Variants in ADGRF1 observed in about 807,000 individuals in gnomAD.
The protein encoded by ADGRF1 is G protein-coupled receptor 110.
Under a neutral mutation model 87.2 loss-of-function variants are expected in ADGRF1, and 85 were observed. The observed-to-expected ratio is 0.97, with a 90% CI of 0.82 to 1.17. ADGRF1 has a LOEUF of 1.17. Ranked by LOEUF, ADGRF1 falls within the 50% of genes most tolerant of loss-of-function variation. The probability of loss-of-function intolerance (pLI) is 0.00; values close to 1 mark genes in which losing one functional copy is unlikely to be tolerated. For synonymous variants in ADGRF1, 430 were observed against 408.8 expected (o/e 1.05, Z -0.63); for missense variants, 1,169 against 1,077.2 (o/e 1.09, Z -1.19).
chr6:47,042,042 C>A (rs574244098), intron 1 of ADGRF1, 149 bp downstream of exon 1: 1 of 152,240 alleles, frequency 6.6e-6, no homozygotes, highest in South Asian at 2.1e-4. Context: ...TTTTTCAACT[C>A]TGTTCCCTTA....
rs112848767 is a variant in ADGRF1, at chr6:47,032,793, G to C, written c.-43-3689C>G. Among the ~76,000 whole-genome samples the C allele has an allele frequency of 6.3e-3, 957 of 152,304 alleles. 13 individuals carry two copies. Among genetic ancestry groups the C allele is most frequent in the African/African-American group, 0.021 (892 of 41,558 alleles). On this transcript the variant is annotated intron_variant, in intron 1 of 14. Transcript: ENST00000371253. ...TATAGTTACTTGCTGGATTGTGTCA[G>C]AATTTGACTTCTCTGAGTGCACTTG... is the stretch of plus-strand genomic sequence containing the variant.
intron 6 of ADGRF1, 149 bp from the exon 7 acceptor site, chr6:47,020,938 A>T: frequency 1.5e-6 from 1 of 657,002 alleles, no homozygotes; most frequent in East Asian, 2.7e-5. Flanking sequence ...TGCATGTCAT[A>T]CAAATACAGT....
At chr6:47,033,940 C>A (rs750566334) in intron 1 of ADGRF1, among the ~76,000 whole-genome samples, 3 of 152,160 alleles carry the variant, frequency 2.0e-5, no homozygotes, top group Non-Finnish European at 4.4e-5. Context: ...AGACAAACTT[C>A]CTCTGGAAGG....
intron 13 of ADGRF1, among the ~76,000 whole-genome samples, chr6:47,004,964 C>T (rs1226473): frequency 0.41 from 61,875 of 151,932 alleles, 14,308 homozygotes; most frequent in African/African-American, 0.65. Flanking sequence ...CCAAGGAAGA[C>T]TTTTTAATGC....
At chr6:47,014,580 T>C (rs1283407312) in intron 9 of ADGRF1, 101 bp downstream of exon 9, 2 of 1,521,460 alleles carry the variant, frequency 1.3e-6, no homozygotes, top group Middle Eastern at 1.8e-4. Context: ...TGGCCAATGA[T>C]GCACGTAGGT....
rs1017519192 is a variant in ADGRF1, at chr6:47,017,991, G to C, written c.612-1223C>G. 2.4e-5 allele frequency: 4 copies of C among 168,874 alleles called. No individual in the cohort carries two copies. In the South Asian group the frequency reaches 6.1e-4, roughly 26 times the overall value. 10.5% of individuals were successfully genotyped at this position (168,874 alleles called of 1,614,324 possible). On this transcript the variant is annotated intron_variant, in intron 7 of 14. Coordinates refer to ENST00000371253, the MANE Select transcript of ADGRF1 (RefSeq NM_153840.4). The stretch of plus-strand genomic sequence containing the variant: ...TATAGCACAGGATGGCTCCAGGATT[G>C]GGTCTCTGCAAGTGGAAGGACAGCA...
intron 6 of ADGRF1, among the ~76,000 whole-genome samples, chr6:47,021,442 A>G (rs1449914176): frequency 6.6e-6 from 1 of 150,868 alleles, no homozygotes; most frequent in East Asian, 1.9e-4. Flanking sequence ...CTAACTACAA[A>G]CTCCACCTCC....
chr6:47,008,978 C>T lies in ADGRF1; in HGVS notation c.2457G>A (p.Trp819Ter). ...CATTGAGTAAAGCAAAAATAACATG[C>T]CAAGCCAGATTCTGGCTGTCCACTA... ...GTIVDSQNLAWHVIFALLNAF... is the reference protein window; with the variant it reads ...GTIVDSQNLA Residue 819 changes from tryptophan to a stop codon, truncating the protein, a stop_gained, in exon 11 of 15, where the codon TGG becomes TGA. Coordinates refer to ENST00000371253, the MANE Select transcript of ADGRF1 (RefSeq NM_153840.4). LOFTEE classifies it high-confidence loss of function. 1 of 1,607,442 alleles carries T rather than the reference C, an allele frequency of 6.2e-7. No individual in the cohort carries two copies. Among genetic ancestry groups the T allele is most frequent in the South Asian group, 1.1e-5 (1 of 90,600 alleles).
At chr6:47,037,805 A>T (rs1780632770) in intron 1 of ADGRF1, among the ~76,000 whole-genome samples, 1 of 152,230 alleles carries the variant, frequency 6.6e-6, no homozygotes, top group East Asian at 1.9e-4. Flanking sequence ...GAGCCACGAC[A>T]CTCAGCCCCA....
intron 1 of ADGRF1, among the ~76,000 whole-genome samples, chr6:47,038,763 C>T (rs982369890): frequency 2.0e-5 from 3 of 152,212 alleles, no homozygotes; most frequent in African/African-American, 7.2e-5. Context: ...TAAAATTCTA[C>T]TGCTATCTAC....
At chr6:47,004,349 C>T (rs1779453432) in intron 13 of ADGRF1, among the ~76,000 whole-genome samples, 1 of 152,128 alleles carries the variant, frequency 6.6e-6, no homozygotes, top group South Asian at 2.1e-4. Flanking sequence ...TATTTTAAAA[C>T]AAATGAGCCA....
In ADGRF1 at chr6:47,000,139, C is replaced by T. The variant is rs9381498; in HGVS notation, c.*83G>A. The T allele has an allele frequency of 9.6e-7, 1 of 1,044,128 alleles. No individual in the cohort carries two copies. Among genetic ancestry groups the T allele is most frequent in the Non-Finnish European group, 1.5e-6 (1 of 677,224 alleles). 64.7% of individuals were successfully genotyped at this position (1,044,128 alleles called of 1,614,324 possible). A position where few individuals can be genotyped will look rare whatever the true frequency, so the allele number is the denominator to read the frequency against. On this transcript the variant is annotated 3_prime_UTR_variant, in exon 15 of 15. Transcript: ENST00000371253. ...CTAAATCAGAAAACCCGATCGAATA[C>T]TGAGCATAATTTCTTCATTGACATT...
At chr6:47,012,483 A>C (rs529020318) in intron 9 of ADGRF1, 1 of 502,290 alleles carries the variant, frequency 2.0e-6, no homozygotes, top group Non-Finnish European at 2.7e-6. Context: ...GGGAGGTGCC[A>C]TTATTATTTT....
intron 1 of ADGRF1, among the ~76,000 whole-genome samples, chr6:47,039,333 A>T (rs1780672686): frequency 6.6e-6 from 1 of 152,218 alleles, no homozygotes; most frequent in African/African-American, 2.4e-5. Context: ...CATTTTCTTT[A>T]TTCAACTGAC....
At position 47,000,269 on chromosome 6, in the gene ADGRF1, C is replaced by T. The variant is rs1436568686; in HGVS notation, c.2686G>A (p.Asp896Asn). The part of the protein sequence containing the change: ...KGHYAFSHTG[D>N]SSDNIMLTQF... ...GTTAGCATGATGTTGTCGGAGGAAT[C>T]TCCAGTATGAGAAAATGCATAATGG... The change falls in exon 15 of 15, where the codon GAT becomes AAT. Residue 896 changes from aspartate (D) to asparagine (N), a missense_variant. Physicochemically the swap from Asp to Asn is conservative, Grantham distance 23. Transcript: ENST00000371253. 6.2e-7 allele frequency: 1 copy of T among 1,604,096 alleles called. No individual in the cohort carries two copies. Among genetic ancestry groups the T allele is most frequent in the South Asian group, 1.1e-5 (1 of 90,114 alleles).
chr6:47,023,012 A>G (rs1004668354), intron 5 of ADGRF1, among the ~76,000 whole-genome samples: 4 of 151,816 alleles, frequency 2.6e-5, no homozygotes, highest in Non-Finnish European at 5.9e-5. Flanking sequence ...CATTTTTGCC[A>G]TGTTGCCCAA....
At chr6:47,032,828 A>G (rs534269094) in intron 1 of ADGRF1, among the ~76,000 whole-genome samples, 128 of 152,244 alleles carry the variant, frequency 8.4e-4, no homozygotes, top group Non-Finnish European at 1.4e-3. Flanking sequence ...GGGTTAACTG[A>G]TGGCCATCAC....
chr6:47,014,751 T>G lies in ADGRF1; in HGVS notation c.857A>C (p.Lys286Thr). 6.2e-7 allele frequency: 1 copy of G among 1,613,948 alleles called. No individual in the cohort carries two copies. The highest frequency in any genetic ancestry group is 1.1e-5 in the South Asian group (1 of 91,062). Reference protein sequence around the residue: ...SSGYRGNITAKCESSGWQVIR... With the variant: ...SSGYRGNITATCESSGWQVIR... ...GACCTGCCACCCAGAGGACTCACAC[T>G]TGGCTGTGATGTTTCCCCTGTAGCC... The change falls in exon 9 of 15, where the codon AAG becomes ACG. Residue 286 changes from lysine (K) to threonine (T), a missense_variant. Lys to Thr is a moderately conservative substitution (Grantham distance 78, BLOSUM62 -1). Transcript: ENST00000371253.
At chr6:47,034,782 A>G (rs1780539867) in intron 1 of ADGRF1, among the ~76,000 whole-genome samples, 1 of 152,162 alleles carries the variant, frequency 6.6e-6, no homozygotes, top group African/African-American at 2.4e-5. Context: ...TTGTGCCTTC[A>G]GAGTCCAGTT....
Sources: allele counts gnomAD v4.1 joint callset (sites outside exome capture counted in the v4.1 genomes callset), GRCh38; gene constraint gnomAD v4.1.1; transcripts MANE v1.5; gene names NCBI Gene and HGNC (gene_info 2026-07-23, HGNC 2026-07-21).